Variants in MEMO1 observed in about 807,000 individuals in gnomAD.
MEMO1 encodes the protein mediator of cell motility 1, also known as protein MEMO1.
In MEMO1, 6 loss-of-function variants were observed where a neutral mutation model predicts 45.2. That is an observed-to-expected ratio of 0.13 (90% CI 0.07 to 0.26). The LOEUF (loss-of-function observed/expected upper bound fraction) is 0.26. MEMO1 is among the 10% of genes least tolerant of loss of function. MEMO1 has a pLI of 1.00. For synonymous variants in MEMO1, 78 were observed against 124.3 expected (o/e 0.63, Z 2.48); for missense variants, 184 against 370.5 (o/e 0.50, Z 4.13).
At chr2:31,882,716 G>A (rs1000591019) in intron 8 of MEMO1, among the ~76,000 whole-genome samples, 1 of 152,064 alleles carries the variant, frequency 6.6e-6, no homozygotes, top group African/African-American at 2.4e-5. Flanking sequence ...TGGAATTCCT[G>A]CACACTGTCA....
At chr2:31,915,232 G>A (rs1362561868) in intron 6 of MEMO1, among the ~76,000 whole-genome samples, 1 of 152,076 alleles carries the variant, frequency 6.6e-6, no homozygotes, top group Non-Finnish European at 1.5e-5. Flanking sequence ...TTGAGCCTAG[G>A]GTCATAGCAA....
At chr2:31,961,407 G>GA (rs375363403) in intron 2 of MEMO1, among the ~76,000 whole-genome samples, 21 of 151,924 alleles carry the variant, frequency 1.4e-4, no homozygotes, top group African/African-American at 4.8e-4. Context: ...GGGAGGACAT[G>GA]AAAAAAACAG....
chr2:31,919,962 G>GTT (rs1682040502), intron 5 of MEMO1, among the ~76,000 whole-genome samples: 1 of 151,616 alleles, frequency 6.6e-6, no homozygotes, highest in African/African-American at 2.4e-5. Context: ...GTGTGTGTGT[G>GTT]TGTGTGTGTG....
At chr2:31,951,488 C>G (rs945257867) in intron 2 of MEMO1, among the ~76,000 whole-genome samples, 4 of 151,488 alleles carry the variant, frequency 2.6e-5, no homozygotes, top group African/African-American at 9.7e-5. Flanking sequence ...TTCCGAGAAG[C>G]CTTACCAACT....
intron 2 of MEMO1, among the ~76,000 whole-genome samples, chr2:31,944,999 T>C (rs999092466): frequency 3.9e-5 from 6 of 152,200 alleles, no homozygotes; most frequent in African/African-American, 1.4e-4. Flanking sequence ...GCTGATCCCT[T>C]TGTACATCTC....
At chr2:31,961,113 T>C (rs1227895395) in intron 2 of MEMO1, among the ~76,000 whole-genome samples, 3 of 152,150 alleles carry the variant, frequency 2.0e-5, no homozygotes, top group Admixed American at 6.5e-5. Flanking sequence ...ATCCCAGCAC[T>C]TTGGGAGGCC....
intron 2 of MEMO1, among the ~76,000 whole-genome samples, chr2:31,999,355 T>A (rs918183247): frequency 6.6e-6 from 1 of 152,070 alleles, no homozygotes; most frequent in Non-Finnish European, 1.5e-5. Flanking sequence ...CCAATGACCA[T>A]CTGACTCAAG....
At chr2:31,980,872 C>T (rs1212774071) in intron 2 of MEMO1, among the ~76,000 whole-genome samples, 1 of 152,186 alleles carries the variant, frequency 6.6e-6, no homozygotes, top group Non-Finnish European at 1.5e-5. Context: ...CATAATATCA[C>T]AGGACCCTTC....
chr2:31,871,491 C>T (rs1572522534), intron 8 of MEMO1, among the ~76,000 whole-genome samples: 1 of 86,102 alleles, frequency 1.2e-5, no homozygotes, highest in African/African-American at 4.3e-5. Context: ...TATCAATATT[C>T]CATATATACA....
At chr2:31,945,568 C>A (rs536532658) in intron 2 of MEMO1, among the ~76,000 whole-genome samples, 1 of 152,284 alleles carries the variant, frequency 6.6e-6, no homozygotes, top group East Asian at 1.9e-4. Context: ...CTGGTAAATT[C>A]TTTCTCTGCC....
At chr2:31,902,970 C>T (rs567653022) in intron 6 of MEMO1, among the ~76,000 whole-genome samples, 27 of 151,386 alleles carry the variant, frequency 1.8e-4, no homozygotes, top group East Asian at 1.5e-3. Flanking sequence ...AAAATACACG[C>T]GATAAGAAAA....
At position 31,961,389 on chromosome 2, in the gene MEMO1, T is replaced by G. The variant is rs150497907; in HGVS notation, c.62-18006A>C. Among the ~76,000 whole-genome samples, 28 of 151,894 alleles carry G rather than the reference T, an allele frequency of 1.8e-4. 1 individual carries two copies. In the East Asian group the frequency reaches 5.5e-3, roughly 30 times the overall value. The stretch of plus-strand genomic sequence containing the variant: ...GAGGCAACAATATGCCAGAAAAAAC[T>G]GCAATCTGGGAGGACATGAAAAAAA... On this transcript the variant is annotated intron_variant, in intron 2 of 9. Transcript: ENST00000404530.
chr2:31,914,690 A>G (rs1681151134), intron 6 of MEMO1, among the ~76,000 whole-genome samples: 1 of 152,304 alleles, frequency 6.6e-6, no homozygotes, highest in Non-Finnish European at 1.5e-5. Flanking sequence ...TTATGCTGCA[A>G]TAGGTAACTA....
chr2:31,956,462 A>C (rs2148387252), intron 2 of MEMO1, among the ~76,000 whole-genome samples: 1 of 152,316 alleles, frequency 6.6e-6, no homozygotes, highest in South Asian at 2.1e-4. Context: ...TCAGTGTGAT[A>C]CTGATTTCCT....
intron 2 of MEMO1, chr2:31,963,365 T>C (rs763239268): frequency 1.7e-6 from 2 of 1,211,378 alleles, no homozygotes; most frequent in Non-Finnish European, 2.1e-6. Flanking sequence ...ACTGGTTCTG[T>C]TTCTCTGAAG....
intron 6 of MEMO1, among the ~76,000 whole-genome samples, chr2:31,914,618 C>A (rs1382167007): frequency 6.6e-6 from 1 of 151,988 alleles, no homozygotes; most frequent in Non-Finnish European, 1.5e-5. Context: ...ATACACCATG[C>A]ACCCACAAAA....
chr2:31,960,160 G>A (rs1667849468), intron 2 of MEMO1, among the ~76,000 whole-genome samples: 3 of 151,000 alleles, frequency 2.0e-5, no homozygotes, highest in African/African-American at 7.3e-5. Flanking sequence ...TCACGCCACT[G>A]CACTGCAGCC....
At chr2:31,975,056 C>A (rs1669846136) in intron 2 of MEMO1, among the ~76,000 whole-genome samples, 1 of 151,706 alleles carries the variant, frequency 6.6e-6, no homozygotes, top group South Asian at 2.1e-4. Flanking sequence ...CCTGTAATCC[C>A]AGCTACTCGG....
chr2:32,010,168 C>T lies in MEMO1; in HGVS notation c.61+19G>A. 7.6e-7 allele frequency: 1 copy of T among 1,315,280 alleles called. No homozygotes were observed. Among genetic ancestry groups the T allele is most frequent in the Non-Finnish European group, 9.9e-7 (1 of 1,008,186 alleles). 81.5% of individuals were successfully genotyped at this position (1,315,280 alleles called of 1,614,324 possible). A position where few individuals can be genotyped will look rare whatever the true frequency, so the allele number is the denominator to read the frequency against. On this transcript the variant is annotated intron_variant, in intron 2 of 9. Transcript: ENST00000404530. ...CAGGCGGCGACGGCGGCGGGCGGGC[C>T]GGCGGCCTGGGGCCCTACCTGAGGC...
Sources: allele counts gnomAD v4.1 joint callset (sites outside exome capture counted in the v4.1 genomes callset), GRCh38; gene constraint gnomAD v4.1.1; transcripts MANE v1.5; gene names NCBI Gene and HGNC (gene_info 2026-07-23, HGNC 2026-07-21).